PTPRD: variants seen among roughly 807,000 people sequenced by gnomAD.
The protein encoded by PTPRD is receptor-type tyrosine-protein phosphatase delta.
PTPRD carries 34 observed loss-of-function variants against 214.5 expected under a neutral mutation model. That is an observed-to-expected ratio of 0.16 (90% confidence interval 0.12 to 0.21). PTPRD has a LOEUF of 0.21. Ranked by LOEUF, PTPRD falls within the 10% of genes least tolerant of loss-of-function variation. The pLI, the probability that PTPRD is intolerant of heterozygous loss-of-function variation, is 1.00. For missense variants in PTPRD, 2,545 were observed against 2,398.7 expected (o/e 1.06, Z -1.27); for synonymous variants, 1,128 against 845.7 (o/e 1.33, Z -5.79).
chr9:9,979,383 G>A (rs971049535), intron 4 of PTPRD, among the ~76,000 whole-genome samples: 3 of 151,956 alleles, frequency 2.0e-5, no homozygotes, highest in African/African-American at 7.2e-5. Flanking sequence ...TAACAGTTAA[G>A]TGTGTATCTT....
chr9:8,785,671 C>T (rs1367429251), intron 11 of PTPRD, among the ~76,000 whole-genome samples: 3 of 152,170 alleles, frequency 2.0e-5, no homozygotes. Context: ...TAAAAGCACA[C>T]TGAAGCCATA....
At chr9:8,960,474 C>T (rs767136763) in intron 11 of PTPRD, among the ~76,000 whole-genome samples, 2 of 151,994 alleles carry the variant, frequency 1.3e-5, no homozygotes, top group African/African-American at 2.4e-5. Context: ...GAAATCCAGG[C>T]CAAATTCTGA....
intron 3 of PTPRD, among the ~76,000 whole-genome samples, chr9:10,210,771 T>TTA (rs2099512375): frequency 8.0e-6 from 1 of 125,384 alleles, no homozygotes; most frequent in Non-Finnish European, 1.7e-5. Flanking sequence ...TATATAATGT[T>TTA]TATATATATA....
chr9:8,658,813 AG>A (rs1404704681), intron 12 of PTPRD, among the ~76,000 whole-genome samples: 3 of 152,152 alleles, frequency 2.0e-5, no homozygotes, highest in Non-Finnish European at 4.4e-5. Flanking sequence ...TCCTTCAAGA[AG>A]GCTGGAATAC....
chr9:9,441,677 T>C (rs907460351), intron 8 of PTPRD, among the ~76,000 whole-genome samples: 1 of 152,142 alleles, frequency 6.6e-6, no homozygotes, highest in Non-Finnish European at 1.5e-5. Flanking sequence ...GAGGCCACTT[T>C]AGAATAATTT....
intron 9 of PTPRD, among the ~76,000 whole-genome samples, chr9:9,275,146 TAATATATTATATATATAACATATATATAA>T (rs1944852327): frequency 1.8e-5 from 1 of 55,766 alleles, no homozygotes; most frequent in East Asian, 5.9e-4. Flanking sequence ...AATATATATA[TAATATATTATATATATAACATATATATAA>T]TATATATGTT....
At chr9:9,938,141 T>A (rs1006552356) in intron 5 of PTPRD, among the ~76,000 whole-genome samples, 2 of 152,086 alleles carry the variant, frequency 1.3e-5, no homozygotes, top group African/African-American at 2.4e-5. Context: ...AATGTGTCAG[T>A]TGAAATGCTT....
intron 11 of PTPRD, among the ~76,000 whole-genome samples, chr9:8,764,017 TTAA>T (rs1404464522): frequency 6.6e-6 from 1 of 152,238 alleles, no homozygotes; most frequent in Non-Finnish European, 1.5e-5. Flanking sequence ...GGATTGTTTC[TTAA>T]TAATGAAATG....
chr9:9,573,102 T>C, intron 8 of PTPRD, among the ~76,000 whole-genome samples: 1 of 151,808 alleles, frequency 6.6e-6, no homozygotes, highest in East Asian at 1.9e-4. Context: ...CTACTTAAGT[T>C]ACTATCAATA....
chr9:10,452,423 C>T (rs1003671392), intron 2 of PTPRD, among the ~76,000 whole-genome samples: 7 of 151,444 alleles, frequency 4.6e-5, no homozygotes, highest in Non-Finnish European at 7.4e-5. Context: ...ATGGCTATAC[C>T]AATTTACATT....
At chr9:10,018,580 C>T (rs1260717282) in intron 4 of PTPRD, among the ~76,000 whole-genome samples, 1 of 96,236 alleles carries the variant, frequency 1.0e-5, no homozygotes, top group East Asian at 3.2e-4. Flanking sequence ...CGGAGTCTCG[C>T]TCTGTCGCCC....
chr9:9,888,538 G>C (rs2071880323), intron 5 of PTPRD, among the ~76,000 whole-genome samples: 1 of 152,084 alleles, frequency 6.6e-6, no homozygotes, highest in South Asian at 2.1e-4. Flanking sequence ...GTGAGATCTA[G>C]CTCTATGAAC....
chr9:10,340,050 A>C (rs1034576798), intron 3 of PTPRD, among the ~76,000 whole-genome samples: 3 of 151,750 alleles, frequency 2.0e-5, no homozygotes, highest in African/African-American at 7.3e-5. Context: ...AAATGATTTT[A>C]TATAACTCCA....
chr9:9,811,664 G>T (rs1038944522), intron 5 of PTPRD, among the ~76,000 whole-genome samples: 1 of 152,136 alleles, frequency 6.6e-6, no homozygotes, highest in African/African-American at 2.4e-5. Flanking sequence ...CTGAGACCAG[G>T]CCACTGCACT....
At chr9:9,030,176 C>A (rs950098235) in intron 10 of PTPRD, among the ~76,000 whole-genome samples, 1 of 149,728 alleles carries the variant, frequency 6.7e-6, no homozygotes, top group African/African-American at 2.5e-5. Context: ...CATCAATATA[C>A]TACCTGTCAG....
chr9:10,359,011 A>AGTT (rs958099999), intron 2 of PTPRD, among the ~76,000 whole-genome samples: 10 of 152,140 alleles, frequency 6.6e-5, no homozygotes, highest in African/African-American at 1.7e-4. Context: ...TGACTGGCTA[A>AGTT]GTTGTTTTTT....
intron 5 of PTPRD, among the ~76,000 whole-genome samples, chr9:9,832,650 T>C (rs145011580): frequency 2.5e-4 from 38 of 152,104 alleles, no homozygotes; most frequent in Admixed American, 2.2e-3. Context: ...CAGGACTTCC[T>C]GGAAAGGAAG....
intron 10 of PTPRD, among the ~76,000 whole-genome samples, chr9:9,111,224 A>G (rs2099805578): frequency 6.6e-6 from 1 of 151,044 alleles, no homozygotes; most frequent in South Asian, 2.1e-4. Context: ...AAAAAAAAAA[A>G]GAAAAGTGTT....
At chr9:9,196,040 T>C (rs1035582295) in intron 9 of PTPRD, among the ~76,000 whole-genome samples, 1 of 152,142 alleles carries the variant, frequency 6.6e-6, no homozygotes. Context: ...GACATAAAGA[T>C]GGGGAGGCCA....
Sources: gnomAD v4.1 joint callset for allele counts (sites outside exome capture counted in the v4.1 genomes callset) on GRCh38, gnomAD v4.1.1 for gene constraint, MANE v1.5 for transcripts, NCBI Gene and HGNC (gene_info 2026-07-23, HGNC 2026-07-21) for gene names.